Variants in NKAIN3 observed in about 807,000 individuals in gnomAD.
The protein encoded by NKAIN3 is sodium/potassium transporting ATPase interacting 3.
In NKAIN3, 25 loss-of-function variants were observed where a neutral mutation model predicts 30.2. The ratio of observed to expected loss-of-function variants is 0.83; its 90% CI spans 0.60 to 1.16. The LOEUF is 1.16. Ranked by LOEUF, NKAIN3 falls within the 50% of genes most tolerant of loss-of-function variation. The pLI is 0.00. For missense variants in NKAIN3, 225 were observed against 254.1 expected (o/e 0.89, Z 0.78); for synonymous variants, 91 against 89.6 (o/e 1.02, Z -0.09).
chr8:62,269,973 C>T (rs1324965824), intron 1 of NKAIN3, among the ~76,000 whole-genome samples: 4 of 152,024 alleles, frequency 2.6e-5, no homozygotes, highest in South Asian at 2.1e-4. Flanking sequence ...TGTTAAAGTA[C>T]GAACAATGAA....
At chr8:62,346,777 G>A (rs1051197087) in intron 1 of NKAIN3, among the ~76,000 whole-genome samples, 1 of 152,056 alleles carries the variant, frequency 6.6e-6, no homozygotes, top group Non-Finnish European at 1.5e-5. Flanking sequence ...CAAACTATAA[G>A]AGTTAGATTG....
At chr8:62,934,779 T>C (rs923835202) in intron 5 of NKAIN3, among the ~76,000 whole-genome samples, 1 of 151,830 alleles carries the variant, frequency 6.6e-6, no homozygotes, top group African/African-American at 2.4e-5. Context: ...CTCTCTGGAG[T>C]GACTTGAAAT....
chr8:62,962,397 T>C (rs1823593617), intron 6 of NKAIN3, among the ~76,000 whole-genome samples: 2 of 152,196 alleles, frequency 1.3e-5, no homozygotes, highest in Admixed American at 1.3e-4. Flanking sequence ...TCCAGATGAT[T>C]GGAGCAAGTG....
intron 4 of NKAIN3, among the ~76,000 whole-genome samples, chr8:62,763,053 T>G (rs1816718082): frequency 6.6e-6 from 1 of 151,056 alleles, no homozygotes; most frequent in Non-Finnish European, 1.5e-5. Flanking sequence ...AAACCCCATC[T>G]CTACTAAAAA....
chr8:62,579,451 T>C (rs903173678), intron 1 of NKAIN3, 88 bp from the exon 2 acceptor site: 6 of 1,005,426 alleles, frequency 6.0e-6, no homozygotes, highest in Non-Finnish European at 8.3e-6. Flanking sequence ...AAGTTGAATA[T>C]GCAGACTCCT....
intron 3 of NKAIN3, among the ~76,000 whole-genome samples, chr8:62,695,246 CTTAT>C (rs1465897838): frequency 6.6e-5 from 10 of 152,138 alleles, no homozygotes; most frequent in Non-Finnish European, 1.3e-4. Flanking sequence ...AGGGCCAAGT[CTTAT>C]TTACTTTATC....
intron 5 of NKAIN3, among the ~76,000 whole-genome samples, 167 bp downstream of exon 5, chr8:62,918,680 CAAAT>C (rs945962102): frequency 6.6e-5 from 10 of 152,160 alleles, no homozygotes; most frequent in Non-Finnish European, 1.2e-4. Flanking sequence ...GAATTGCACA[CAAAT>C]AAGGTGACAC....
At chr8:62,558,763 T>G (rs1440886771) in intron 1 of NKAIN3, among the ~76,000 whole-genome samples, 3 of 152,050 alleles carry the variant, frequency 2.0e-5, no homozygotes, top group African/African-American at 7.2e-5. Context: ...GTTTTTCAGG[T>G]GGGAGCCCAG....
In NKAIN3 at chr8:62,967,774, C is replaced by G. The variant is rs1823744240; in HGVS notation, c.*2367C>G. Among the ~76,000 whole-genome samples the G allele has an allele frequency of 6.6e-6, 1 of 152,100 alleles. No individual in the cohort carries two copies. The highest frequency in any genetic ancestry group is 6.6e-5 in the Admixed American group (1 of 15,264). ...TGAGTATTGACATATTTTAAACTGT[C>G]ACTTAATTACCCCCACACATACACA... On this transcript the variant is annotated 3_prime_UTR_variant, in exon 7 of 7. Transcript: ENST00000623646.
At position 62,983,189 on chromosome 8, in the gene NKAIN3, T is replaced by C. The variant is rs1824123166; in HGVS notation, c.*17782T>C. On this transcript the variant is annotated 3_prime_UTR_variant, in exon 7 of 7. Coordinates refer to ENST00000623646, the MANE Select transcript of NKAIN3 (RefSeq NM_001304533.3). ...TTGCGTCCTTCTTTGAAAACACCCC[T>C]GCTGAGTACCTACTGTATGTGAGTC... 2.0e-5 allele frequency: 3 copies of C among 152,104 alleles called. No individual in the cohort carries two copies. Among genetic ancestry groups the C allele is most frequent in the South Asian group, 4.1e-4 (2 of 4,822 alleles). 9.4% of individuals were successfully genotyped at this position (152,104 alleles called of 1,614,324 possible).
Position 62,505,808 on chromosome 8 carries a change from G to A in NKAIN3, c.55-73731G>A, listed in dbSNP as rs116602347. 5.4e-3 allele frequency among the ~76,000 whole-genome samples: 817 copies of A among 152,014 alleles called. 10 individuals are homozygous for A. Among genetic ancestry groups the A allele is most frequent in the African/African-American group, 0.018 (763 of 41,456 alleles). ...TACAACAAATTACCACACAACAGGTGGCTTAAAATAACCAAAGTTATCTTA... is the reference window on the plus strand; with the variant it reads ...TACAACAAATTACCACACAACAGGTAGCTTAAAATAACCAAAGTTATCTTA... On this transcript the variant is annotated intron_variant, in intron 1 of 6. Coordinates refer to ENST00000623646, the MANE Select transcript of NKAIN3 (RefSeq NM_001304533.3).
chr8:62,924,532 G>A (rs938568726), intron 5 of NKAIN3, among the ~76,000 whole-genome samples: 29 of 152,278 alleles, frequency 1.9e-4, no homozygotes, highest in Middle Eastern at 6.8e-3. Context: ...AGAGATCGGG[G>A]AGAAGGTTCT....
chr8:62,576,154 A>T (rs827680), intron 1 of NKAIN3, among the ~76,000 whole-genome samples: 33,577 of 151,918 alleles, frequency 0.22, 3,847 homozygotes, highest in East Asian at 0.31. Flanking sequence ...CAGCATAGGG[A>T]ACAATCAACA....
chr8:62,786,240 C>A (rs1371138086), intron 4 of NKAIN3, among the ~76,000 whole-genome samples: 5 of 152,004 alleles, frequency 3.3e-5, no homozygotes, highest in Non-Finnish European at 7.4e-5. Context: ...CATAATTAAA[C>A]CTTCTTATGA....
In NKAIN3 at chr8:62,965,687, T is replaced by G. The variant is rs1823693338; in HGVS notation, c.*280T>G. The G allele has an allele frequency of 2.0e-6, 2 of 980,724 alleles. No homozygotes were observed. The highest frequency in any genetic ancestry group is 2.4e-6 in the Non-Finnish European group (2 of 826,164). The allele number at this position is 980,724 out of a possible 1,614,324, so 60.8% of individuals were successfully genotyped here. The stretch of plus-strand genomic sequence containing the variant: ...TTTTAACAATATTTAATGTGAGGCA[T>G]GCAAAATGAAAAAGCAAATCTGTGA... On this transcript the variant is annotated 3_prime_UTR_variant, in exon 7 of 7. Transcript: ENST00000623646.
chr8:62,858,341 G>A (rs1373453626), intron 4 of NKAIN3, among the ~76,000 whole-genome samples: 1 of 152,206 alleles, frequency 6.6e-6, no homozygotes, highest in Non-Finnish European at 1.5e-5. Context: ...AAGTGATCTA[G>A]TACCTGCTTA....
At chr8:62,280,471 T>C (rs1169636188) in intron 1 of NKAIN3, among the ~76,000 whole-genome samples, 1 of 152,172 alleles carries the variant, frequency 6.6e-6, no homozygotes, top group East Asian at 1.9e-4. Flanking sequence ...AAGGGAATGC[T>C]TCCAGTTTTT....
rs141406132 is a variant in NKAIN3 at position 62,283,086 on chromosome 8, A to G, written c.54+33959A>G. ...ATGGGGTTAATTGTTAAATAAAAGA[A>G]TGGGCCCTTTCAGTTTACTTTTTTG... On this transcript the variant is annotated intron_variant, in intron 1 of 6. Transcript: ENST00000623646. Among the ~76,000 whole-genome samples, 547 of 152,278 alleles carry G rather than the reference A, an allele frequency of 3.6e-3. 5 individuals are homozygous for G. The highest frequency in any genetic ancestry group is 0.025 in the Admixed American group (382 of 15,282).
At chr8:62,565,022 A>C (rs1266550518) in intron 1 of NKAIN3, among the ~76,000 whole-genome samples, 1 of 152,192 alleles carries the variant, frequency 6.6e-6, no homozygotes, top group African/African-American at 2.4e-5. Context: ...ATACACTTGG[A>C]AAATCTCAAA....
Sources: gnomAD v4.1 joint callset for allele counts (sites outside exome capture counted in the v4.1 genomes callset) on GRCh38, gnomAD v4.1.1 for gene constraint, MANE v1.5 for transcripts, NCBI Gene and HGNC (gene_info 2026-07-23, HGNC 2026-07-21) for gene names.